Variants in BLZF1 observed in about 807,000 individuals in gnomAD.
The protein encoded by BLZF1 is basic leucine zipper nuclear factor 1.
In BLZF1, 39 loss-of-function variants were observed where a neutral mutation model predicts 43.8. The observed-to-expected ratio is 0.89, with a 90% CI of 0.69 to 1.16. The LOEUF (loss-of-function observed/expected upper bound fraction) is 1.16, where lower values mean the gene tolerates loss of function less well. Ranked by LOEUF, BLZF1 falls within the 50% of genes most tolerant of loss-of-function variation. BLZF1 has a pLI of 0.00. For missense variants in BLZF1, 449 were observed against 469.8 expected, an observed-to-expected ratio of 0.96 and a Z score of 0.41; for synonymous variants, 136 against 159.4, an observed-to-expected ratio of 0.85 and a Z score of 1.11.
At chr1:169,389,310 C>CA (rs1260873522), downstream of BLZF1, among the ~76,000 whole-genome samples, 2 of 151,088 alleles carry the variant, frequency 1.3e-5, no homozygotes, top group African/African-American at 4.9e-5. Context: ...AAAACAAAAA[C>CA]AAAAAAAATT....
chr1:169,372,085 T>C (rs1654139962), intron 2 of BLZF1, among the ~76,000 whole-genome samples: 1 of 152,192 alleles, frequency 6.6e-6, no homozygotes, highest in Admixed American at 6.5e-5. Flanking sequence ...CCATAGAGCC[T>C]GTGGTAAGAA....
chr1:169,395,012 T>C, intron 7 of BLZF1: 1 of 1,536,818 alleles, frequency 6.5e-7, no homozygotes, highest in African/African-American at 1.4e-5. Context: ...AAAATTTTGA[T>C]AGCAGCTGCC....
chr1:169,376,511 T>C, intron 2 of BLZF1, 29 bp from the exon 3 acceptor site: 1 of 1,549,970 alleles, frequency 6.5e-7, no homozygotes, highest in Non-Finnish European at 8.7e-7. Context: ...TCTTGGTAAG[T>C]AGTTTCTGTT....
chr1:169,378,955 A>G (rs1247128984), intron 4 of BLZF1, among the ~76,000 whole-genome samples: 2 of 151,930 alleles, frequency 1.3e-5, no homozygotes, highest in African/African-American at 2.4e-5. Context: ...TTTTCTCTCT[A>G]TGCACAAATA....
At chr1:169,371,332 A>G (rs1311375616) in intron 2 of BLZF1, among the ~76,000 whole-genome samples, 2 of 152,212 alleles carry the variant, frequency 1.3e-5, no homozygotes, top group East Asian at 3.8e-4. Flanking sequence ...AGTACTGGCA[A>G]GTTCTCTGTG....
At chr1:169,373,546 C>A (rs564150395) in intron 2 of BLZF1, among the ~76,000 whole-genome samples, 26 of 152,156 alleles carry the variant, frequency 1.7e-4, no homozygotes, top group Non-Finnish European at 2.4e-4. Context: ...GCCTGTTTAC[C>A]TATGCACATT....
In BLZF1 at chr1:169,394,602, A is replaced by G. The variant is rs112776206; in HGVS notation, c.*28-1292A>G. ...TAACGGGTGGAATTAGGCCTACCCT[A>G]TTGCTTAGCTTGCCATGATTATTCA... On this transcript the variant is annotated intron_variant, in intron 7 of 7. Coordinates refer to the BLZF1 transcript ENST00000329281. Among the ~76,000 whole-genome samples the G allele has an allele frequency of 2.0e-3, 309 of 152,274 alleles. 2 individuals carry two copies. The highest frequency in any genetic ancestry group is 7.0e-3 in the African/African-American group (292 of 41,546).
At chr1:169,394,993 A>G (rs1654930914) in intron 7 of BLZF1, 1 of 1,478,580 alleles carries the variant, frequency 6.8e-7, no homozygotes, top group African/African-American at 1.4e-5. Flanking sequence ...ACCCTAAGAA[A>G]TCATATCCAA....
downstream of BLZF1, among the ~76,000 whole-genome samples, chr1:169,389,998 CA>C (rs932802285): frequency 1.6e-4 from 25 of 151,920 alleles, no homozygotes; most frequent in African/African-American, 5.8e-4. Flanking sequence ...ATTGGGATGA[CA>C]AAAATGTTCT....
At chr1:169,395,536 G>A (rs966195539) in intron 7 of BLZF1, among the ~76,000 whole-genome samples, 1 of 152,124 alleles carries the variant, frequency 6.6e-6, no homozygotes, top group African/African-American at 2.4e-5. Context: ...CTATTTGGTA[G>A]ATTCCAAATA....
chr1:169,374,900 T>C (rs1412475030), intron 2 of BLZF1, among the ~76,000 whole-genome samples: 5 of 152,128 alleles, frequency 3.3e-5, no homozygotes, highest in African/African-American at 1.2e-4. Context: ...TTTACATGTA[T>C]TCTTATTTAT....
downstream of BLZF1, among the ~76,000 whole-genome samples, chr1:169,391,392 C>T (rs1270528263): frequency 6.6e-6 from 1 of 152,160 alleles, no homozygotes; most frequent in African/African-American, 2.4e-5. Flanking sequence ...TGCTGGGATC[C>T]CCCTAAAGAC....
chr1:169,370,230 C>G (rs546087014), intron 2 of BLZF1, among the ~76,000 whole-genome samples: 1 of 152,214 alleles, frequency 6.6e-6, no homozygotes, highest in Non-Finnish European at 1.5e-5. Context: ...GGAACCCAGT[C>G]TACTCCTGTA....
chr1:169,389,019 A>T (rs1262904011), downstream of BLZF1, among the ~76,000 whole-genome samples: 2 of 152,108 alleles, frequency 1.3e-5, no homozygotes, highest in Non-Finnish European at 2.9e-5. Context: ...GCTACTCGGG[A>T]GGCTGAGGCA....
At chr1:169,391,004 G>GC (rs1654801456), downstream of BLZF1, among the ~76,000 whole-genome samples, 1 of 152,126 alleles carries the variant, frequency 6.6e-6, no homozygotes, top group African/African-American at 2.4e-5. Flanking sequence ...AGGCCTCTCA[G>GC]CAGGAATGGA....
downstream of BLZF1, among the ~76,000 whole-genome samples, chr1:169,392,797 G>A (rs768429709): frequency 6.6e-6 from 1 of 152,094 alleles, no homozygotes; most frequent in African/African-American, 2.4e-5. Context: ...CCTTCATAAT[G>A]AAGCCCCTCC....
chr1:169,370,024 A>G (rs1654056293), intron 2 of BLZF1, among the ~76,000 whole-genome samples: 1 of 152,176 alleles, frequency 6.6e-6, no homozygotes, highest in African/African-American at 2.4e-5. Context: ...AAATGTCAAC[A>G]AGGCTGTGCT....
At chr1:169,374,377 C>T (rs1654228328) in intron 2 of BLZF1, among the ~76,000 whole-genome samples, 1 of 152,128 alleles carries the variant, frequency 6.6e-6, no homozygotes, top group South Asian at 2.1e-4. Flanking sequence ...GTCAGTGCTA[C>T]CATGCTTTGT....
At chr1:169,377,024 C>A (rs1654380484) in intron 3 of BLZF1, 45 bp downstream of exon 3, 2 of 1,487,122 alleles carry the variant, frequency 1.3e-6, no homozygotes, top group Admixed American at 2.0e-5. Context: ...CTCTTTACGT[C>A]TGGACCTTTT....
Sources: allele counts gnomAD v4.1 joint callset (sites outside exome capture counted in the v4.1 genomes callset), GRCh38; gene constraint gnomAD v4.1.1; transcripts MANE v1.5; gene names NCBI Gene and HGNC (gene_info 2026-07-23, HGNC 2026-07-21).